WWP2: variants seen among roughly 807,000 people sequenced by gnomAD.
WWP2 encodes the protein NEDD4-like E3 ubiquitin-protein ligase WWP2.
WWP2 carries 57 observed loss-of-function variants against 121.0 expected under a neutral mutation model. That is an observed-to-expected ratio of 0.47 (90% confidence interval 0.38 to 0.59). The LOEUF (loss-of-function observed/expected upper bound fraction) is 0.59. Ranked by LOEUF, WWP2 falls within the 20% of genes least tolerant of loss-of-function variation. WWP2 has a pLI of 0.00. For synonymous variants in WWP2, 449 were observed against 441.3 expected, an observed-to-expected ratio of 1.02 and a Z score of -0.22; for missense variants, 962 against 1,158.9, an observed-to-expected ratio of 0.83 and a Z score of 2.47.
intron 6 of WWP2, among the ~76,000 whole-genome samples, chr16:69,851,400 G>C (rs72785016): frequency 6.6e-6 from 1 of 152,086 alleles, no homozygotes; most frequent in Non-Finnish European, 1.5e-5. Flanking sequence ...GCATAGTTTT[G>C]CCATTTCCAG....
chr16:69,939,290 T>A (rs768098738), intron 22 of WWP2, 51 bp from the exon 23 acceptor site: 10 of 1,609,002 alleles, frequency 6.2e-6, no homozygotes, highest in Non-Finnish European at 8.5e-6. Context: ...GGATCCTGCT[T>A]TGGGAAGGGA....
chr16:69,915,694 T>C (rs1181516873), intron 9 of WWP2, among the ~76,000 whole-genome samples: 1 of 152,146 alleles, frequency 6.6e-6, no homozygotes, highest in African/African-American at 2.4e-5. Flanking sequence ...GACCATCGTT[T>C]TTCATTATAT....
chr16:69,932,459 G>A (rs10048090), intron 16 of WWP2, among the ~76,000 whole-genome samples: 121,839 of 152,318 alleles, frequency 0.8, 49,169 homozygotes, highest in East Asian at 0.96. Flanking sequence ...ATGAGGCGAC[G>A]GAGGACTCCT....
chr16:69,936,907 G>C, intron 19 of WWP2: 2 of 590,694 alleles, frequency 3.4e-6, no homozygotes, highest in South Asian at 2.2e-5. Context: ...AGGAGGTGGT[G>C]GTGAGGATGA....
intron 4 of WWP2, among the ~76,000 whole-genome samples, chr16:69,814,332 C>G: frequency 6.6e-6 from 1 of 152,094 alleles, no homozygotes; most frequent in Non-Finnish European, 1.5e-5. Flanking sequence ...GGCTACTGAA[C>G]CTGTATATTA....
chr16:69,904,350 T>C (rs1297648612), intron 8 of WWP2, among the ~76,000 whole-genome samples: 16 of 151,882 alleles, frequency 1.1e-4, no homozygotes, highest in Admixed American at 9.2e-4. Flanking sequence ...AGGGAGAAGA[T>C]CTTTAACTAT....
chr16:69,794,480 G>T (rs910647689), intron 2 of WWP2, among the ~76,000 whole-genome samples: 1 of 151,948 alleles, frequency 6.6e-6, no homozygotes, highest in Non-Finnish European at 1.5e-5. Context: ...AGCGAGATGA[G>T]ATTGCACCAC....
At chr16:69,803,767 G>C (rs1323465896) in intron 4 of WWP2, among the ~76,000 whole-genome samples, 1 of 152,152 alleles carries the variant, frequency 6.6e-6, no homozygotes, top group East Asian at 1.9e-4. Context: ...AATTAGCTGG[G>C]CACAGTGGCG....
At chr16:69,811,283 G>A (rs2056387485) in intron 4 of WWP2, among the ~76,000 whole-genome samples, 1 of 152,196 alleles carries the variant, frequency 6.6e-6, no homozygotes, top group Non-Finnish European at 1.5e-5. Flanking sequence ...GCTTGAAGTA[G>A]GTTTTTTCCC....
intron 6 of WWP2, among the ~76,000 whole-genome samples, chr16:69,861,645 C>CTTT (rs11390043): frequency 1.9e-4 from 26 of 136,062 alleles, no homozygotes; most frequent in African/African-American, 6.1e-4. Context: ...CCGCCCTCTC[C>CTTT]TTTTTTTTTT....
At chr16:69,842,269 T>A in intron 6 of WWP2, 149 bp downstream of exon 6, 1 of 697,770 alleles carries the variant, frequency 1.4e-6, no homozygotes, top group Non-Finnish European at 2.4e-6. Flanking sequence ...AGAAAGCTAA[T>A]AGAGGAGTCC....
chr16:69,789,825 C>T (rs972582644), intron 2 of WWP2, among the ~76,000 whole-genome samples: 2 of 152,164 alleles, frequency 1.3e-5, no homozygotes, highest in African/African-American at 4.8e-5. Context: ...GCATTTGATC[C>T]TTGAACAGCA....
intron 4 of WWP2, among the ~76,000 whole-genome samples, chr16:69,825,929 A>G (rs1258425894): frequency 1.3e-5 from 2 of 152,128 alleles, no homozygotes; most frequent in African/African-American, 4.8e-5. Flanking sequence ...CTGCCTGGAA[A>G]ATACTTTTTA....
At chr16:69,780,426 G>T (rs2055640340) in intron 1 of WWP2, among the ~76,000 whole-genome samples, 1 of 152,130 alleles carries the variant, frequency 6.6e-6, no homozygotes, top group African/African-American at 2.4e-5. Flanking sequence ...TACAAATACT[G>T]CTATGATGAA....
intron 4 of WWP2, 61 bp from the exon 5 acceptor site, chr16:69,840,065 A>G: frequency 6.3e-7 from 1 of 1,594,490 alleles, no homozygotes; most frequent in Non-Finnish European, 8.6e-7. Flanking sequence ...TCTAATTTAG[A>G]GAATCTTAAC....
At chr16:69,836,292 C>CTTTTT (rs66633306) in intron 4 of WWP2, among the ~76,000 whole-genome samples, 1 of 145,856 alleles carries the variant, frequency 6.9e-6, no homozygotes, top group Non-Finnish European at 1.5e-5. Context: ...ATCCTGCCTC[C>CTTTTT]TTTTTTTTTT....
intron 6 of WWP2, among the ~76,000 whole-genome samples, chr16:69,870,258 A>G (rs1361035435): frequency 1.3e-5 from 2 of 150,972 alleles, no homozygotes. Flanking sequence ...TGAATATTAT[A>G]TACTTCTGTA....
chr16:69,861,360 C>T (rs918686430), intron 6 of WWP2, among the ~76,000 whole-genome samples: 1 of 152,204 alleles, frequency 6.6e-6, no homozygotes, highest in Non-Finnish European at 1.5e-5. Context: ...TACCTTCTCT[C>T]TCAAGGTGAG....
At chr16:69,913,851 C>T (rs1271482253) in intron 9 of WWP2, among the ~76,000 whole-genome samples, 2 of 151,556 alleles carry the variant, frequency 1.3e-5, no homozygotes, top group East Asian at 1.9e-4. Context: ...AGGTGGATCA[C>T]CTGAGATCAG....
Sources: allele counts gnomAD v4.1 joint callset (sites outside exome capture counted in the v4.1 genomes callset), GRCh38; gene constraint gnomAD v4.1.1; transcripts MANE v1.5; gene names NCBI Gene and HGNC (gene_info 2026-07-23, HGNC 2026-07-21).